The following XXYLT1 variants were observed in gnomAD, a reference collection of about 807,000 sequenced individuals.
XXYLT1 encodes the protein xyloside xylosyltransferase 1.
XXYLT1 carries 20 observed loss-of-function variants against 28.9 expected under a neutral mutation model. The observed-to-expected ratio is 0.69, with a 90% CI of 0.49 to 1.00. The LOEUF (loss-of-function observed/expected upper bound fraction) is 1.00. Ranked by LOEUF, XXYLT1 falls within the 50% of genes least tolerant of loss-of-function variation. XXYLT1 has a pLI of 0.00. For synonymous variants in XXYLT1, 257 were observed against 253.8 expected, an observed-to-expected ratio of 1.01 and a Z score of -0.12; for missense variants, 542 against 560.1, an observed-to-expected ratio of 0.97 and a Z score of 0.33.
intron 1 of XXYLT1, among the ~76,000 whole-genome samples, chr3:195,260,697 C>T (rs1471738100): frequency 6.6e-6 from 1 of 152,214 alleles, no homozygotes; most frequent in Non-Finnish European, 1.5e-5. Context: ...CTCCCTCAAA[C>T]AGCAGAGGAG....
Position 195,156,437 on chromosome 3 carries a change from G to C in XXYLT1, c.785+12C>G, listed in dbSNP as rs1490609670. The C allele has an allele frequency of 6.2e-7, 1 of 1,612,812 alleles. No homozygotes were observed. Among genetic ancestry groups the C allele is most frequent in the Admixed American group, 1.7e-5 (1 of 59,972 alleles). ...GGGTCGTGGAGGCGGCCCCCCTGCA[G>C]TCATGACGCACCTGTAAACTGGCTG... On this transcript the variant is annotated intron_variant, in intron 3 of 3. Transcript: ENST00000310380.
At chr3:195,204,240 G>A (rs1722970480) in intron 2 of XXYLT1, among the ~76,000 whole-genome samples, 1 of 151,974 alleles carries the variant, frequency 6.6e-6, no homozygotes, top group Non-Finnish European at 1.5e-5. Context: ...CTACTTGGGA[G>A]GCTGAGGCAG....
chr3:195,171,126 C>T (rs139628860), intron 2 of XXYLT1, among the ~76,000 whole-genome samples: 2 of 152,212 alleles, frequency 1.3e-5, no homozygotes, highest in East Asian at 3.9e-4. Flanking sequence ...AAGCAGCCAA[C>T]GGGCTTCCCT....
At chr3:195,149,389 A>T (rs763696101) in intron 3 of XXYLT1, among the ~76,000 whole-genome samples, 10 of 152,202 alleles carry the variant, frequency 6.6e-5, no homozygotes, top group Non-Finnish European at 1.3e-4. Context: ...TGAGATAAAC[A>T]TCTCCATGGG....
rs1375994920 is a variant in XXYLT1 at position 195,077,386 on chromosome 3, C to A, written c.786-7275G>T. ...GGGCTGGTCCGGGACTCTGCGCTGA[C>A]CCTGCCCAGCAGCGTGCCCTGAGGA... is the stretch of plus-strand genomic sequence containing the variant. On this transcript the variant is annotated intron_variant, in intron 3 of 3. Transcript: ENST00000310380. The surrounding 1 kb of genome is among the most constrained non-coding windows in gnomAD (Gnocchi z 4.8). Among the ~76,000 whole-genome samples, 21 of 152,230 alleles carry A rather than the reference C, an allele frequency of 1.4e-4. No individual in the cohort carries two copies. The highest frequency in any genetic ancestry group is 4.4e-5 in the Non-Finnish European group (3 of 68,024).
intron 1 of XXYLT1, among the ~76,000 whole-genome samples, chr3:195,266,103 G>A (rs1030003358): frequency 1.3e-5 from 2 of 152,192 alleles, no homozygotes; most frequent in Non-Finnish European, 2.9e-5. Context: ...GAAGAATTCA[G>A]GAAGCTCAGC....
At chr3:195,161,888 G>T (rs947531710) in intron 2 of XXYLT1, among the ~76,000 whole-genome samples, 1 of 151,974 alleles carries the variant, frequency 6.6e-6, no homozygotes, top group Non-Finnish European at 1.5e-5. Context: ...AAAGTGCTAG[G>T]ATTACAGGTG....
At chr3:195,144,885 C>T (rs1288330778) in intron 3 of XXYLT1, among the ~76,000 whole-genome samples, 1 of 152,204 alleles carries the variant, frequency 6.6e-6, no homozygotes, top group East Asian at 1.9e-4. Flanking sequence ...CTGCCAACAT[C>T]TTGGCAGGAA....
intron 1 of XXYLT1, among the ~76,000 whole-genome samples, chr3:195,246,353 G>A (rs1181870010): frequency 3.9e-5 from 6 of 152,158 alleles, no homozygotes; most frequent in Admixed American, 1.3e-4. Context: ...CACCCTGCTC[G>A]TGTCTTCCTC....
intron 2 of XXYLT1, among the ~76,000 whole-genome samples, chr3:195,196,483 C>T (rs1254588162): frequency 6.6e-6 from 1 of 152,204 alleles, no homozygotes; most frequent in Non-Finnish European, 1.5e-5. Context: ...TAGGTATGCC[C>T]CCTCAGAGCT....
chr3:195,170,878 A>AT (rs1274330013), intron 2 of XXYLT1, among the ~76,000 whole-genome samples: 10 of 150,636 alleles, frequency 6.6e-5, no homozygotes, highest in African/African-American at 2.5e-4. Context: ...CTCCGTCTTA[A>AT]CCAAAAAAAA....
In XXYLT1 at chr3:195,129,049, CT is replaced by C. The variant is rs1391073573; in HGVS notation, c.785+27399del. Among the ~76,000 whole-genome samples the C allele has an allele frequency of 6.6e-6, 1 of 152,130 alleles. No individual in the cohort carries two copies. The highest frequency in any genetic ancestry group is 6.5e-5 in the Admixed American group (1 of 15,270). On this transcript the variant is annotated intron_variant, in intron 3 of 3. Coordinates refer to ENST00000310380, the MANE Select transcript of XXYLT1 (RefSeq NM_152531.5). This position sits in a 1 kb window ranked among gnomAD's most constrained non-coding sequence, Gnocchi z 4.4. ...ATTAAAATGAAATAAAAATTTTCAT[CT>C]TTTAAAAAATGACTTTATACAGATC...
At chr3:195,253,233 A>G (rs1395063204) in intron 1 of XXYLT1, among the ~76,000 whole-genome samples, 3 of 152,068 alleles carry the variant, frequency 2.0e-5, no homozygotes, top group East Asian at 3.9e-4. Context: ...TTTCCCTCTC[A>G]TATTTCCAGG....
chr3:195,162,811 A>G lies in XXYLT1; in HGVS notation c.653-6230T>C, dbSNP rs561461891. ...ACAGCACATATAACACCCAATGTAA[A>G]TTTCCCTCTCGCTTCTATTGCCAAT... On this transcript the variant is annotated intron_variant, in intron 2 of 3. Coordinates refer to ENST00000310380, the MANE Select transcript of XXYLT1 (RefSeq NM_152531.5). Among the ~76,000 whole-genome samples, 15 of 152,282 alleles carry G rather than the reference A, an allele frequency of 9.9e-5. No individual in the cohort carries two copies. The East Asian group carries it at 2.9e-3, about 29-fold the overall frequency.
At chr3:195,263,399 G>A (rs1725750106) in intron 1 of XXYLT1, among the ~76,000 whole-genome samples, 1 of 152,178 alleles carries the variant, frequency 6.6e-6, no homozygotes, top group Admixed American at 6.5e-5. Flanking sequence ...GGGCTTTTAT[G>A]AGCTGATGAA....
At chr3:195,206,673 G>A (rs1723085198) in intron 2 of XXYLT1, among the ~76,000 whole-genome samples, 1 of 151,896 alleles carries the variant, frequency 6.6e-6, no homozygotes, top group Non-Finnish European at 1.5e-5. Context: ...GGAGGCTGAG[G>A]CAGGAGAGTC....
intron 1 of XXYLT1, among the ~76,000 whole-genome samples, chr3:195,253,892 C>T (rs1725375371): frequency 6.6e-6 from 1 of 152,234 alleles, no homozygotes; most frequent in South Asian, 2.1e-4. Context: ...TGGCAGTTTA[C>T]ATCCTCTGCA....
intron 1 of XXYLT1, among the ~76,000 whole-genome samples, chr3:195,266,136 T>C (rs1725842677): frequency 6.6e-6 from 1 of 152,080 alleles, no homozygotes; most frequent in Admixed American, 6.5e-5. Context: ...TCTAGGACAT[T>C]GAAATGACCT....
intron 3 of XXYLT1, among the ~76,000 whole-genome samples, chr3:195,099,830 CAAAAAAAA>C (rs35428286): frequency 1.0e-5 from 1 of 97,222 alleles, no homozygotes; most frequent in African/African-American, 3.4e-5. Flanking sequence ...GACTCTGTCT[CAAAAAAAA>C]AAAAAAAAAA....
Sources: allele counts gnomAD v4.1 joint callset (sites outside exome capture counted in the v4.1 genomes callset), GRCh38; gene constraint gnomAD v4.1.1; non-coding constraint Gnocchi (gnomAD v3.1); transcripts MANE v1.5; gene names NCBI Gene and HGNC (gene_info 2026-07-23, HGNC 2026-07-21).